The following MEFV variants were observed in gnomAD, a reference collection of about 807,000 sequenced individuals.
MEFV encodes MEFV innate immunity regulator, pyrin.
In MEFV, 60 loss-of-function variants were observed where a neutral mutation model predicts 62.5. The observed-to-expected ratio is 0.96, with a 90% confidence interval of 0.78 to 1.19. The LOEUF (loss-of-function observed/expected upper bound fraction) is 1.19. Ranked by LOEUF, MEFV falls within the 50% of genes most tolerant of loss-of-function variation. The pLI, the probability that MEFV is intolerant of heterozygous loss-of-function variation, is 0.00. For synonymous variants in MEFV, 500 were observed against 415.2 expected, an observed-to-expected ratio of 1.20 and a Z score of -2.48; for missense variants, 1,169 against 1,004.5, an observed-to-expected ratio of 1.16 and a Z score of -2.21.
intron 2 of MEFV, among the ~76,000 whole-genome samples, chr16:3,253,098 G>A (rs1959061173): frequency 6.6e-6 from 1 of 151,476 alleles, no homozygotes; most frequent in African/African-American, 2.4e-5. Flanking sequence ...TTACCTATAG[G>A]GACAGCTGCT....
chr16:3,249,675 G>A lies in MEFV; in HGVS notation c.1016C>T (p.Ser339Phe), dbSNP rs104895157. 2.1e-4 allele frequency: 343 copies of A among 1,613,006 alleles called. No homozygotes were observed. Among genetic ancestry groups the A allele is most frequent in the Middle Eastern group, 3.3e-4 (2 of 6,058 alleles). ...GCTGCCTGAGGCCTGGGGGTGCCCA[G>A]AAACTGCCTCGGGGAAGCTGCAGGA... ...RDSCSFPEAV[S>F]GHPQASGSRS... is the part of the protein sequence containing the mutation. Residue 339 changes from serine to phenylalanine, a missense_variant, in exon 3 of 10, where the codon TCT becomes TTT. Physicochemically the swap from Ser to Phe is radical, Grantham distance 155. Transcript: ENST00000219596.
At position 3,250,993 on chromosome 16, in the gene MEFV, C is replaced by T. The variant is rs532024685; in HGVS notation, c.911-1213G>A. 6.6e-5 allele frequency among the ~76,000 whole-genome samples: 9 copies of T among 135,492 alleles called. No homozygotes were observed. In the East Asian group the frequency reaches 1.1e-3, roughly 16 times the overall value. 88.9% of individuals were successfully genotyped at this position (135,492 alleles called of 152,430 possible). ...GAGCTGAAGTTGCGCCACTGCACTC[C>T]AGTCTGGGTGACCAAGAGAGACTCC... On this transcript the variant is annotated intron_variant, in intron 2 of 9. Coordinates refer to ENST00000219596, the MANE Select transcript of MEFV (RefSeq NM_000243.3).
intron 1 of MEFV, 37 bp from the exon 2 acceptor site, chr16:3,254,827 C>T (rs369250547): frequency 1.4e-5 from 23 of 1,605,998 alleles, no homozygotes; most frequent in Non-Finnish European, 1.8e-5. Flanking sequence ...ATGAAGCTGT[C>T]CCACGTTTAG....
intron 8 of MEFV, 90 bp from the exon 9 acceptor site, chr16:3,243,982 A>T: frequency 6.3e-7 from 1 of 1,582,374 alleles, no homozygotes; most frequent in Non-Finnish European, 8.6e-7. Flanking sequence ...AGGAAAGACA[A>T]GGAACCCCCT....
Position 3,252,709 on chromosome 16 carries a change from C to T in MEFV, c.910+1449G>A, listed in dbSNP as rs372527172. Among the ~76,000 whole-genome samples, 36 of 149,728 alleles carry T rather than the reference C, an allele frequency of 2.4e-4. No homozygotes were observed. The South Asian group carries it at 3.8e-3, about 16-fold the overall frequency. On this transcript the variant is annotated intron_variant, in intron 2 of 9. Transcript: ENST00000219596. ...ATCCTAGCACTTTTAGAGGCTAAGG[C>T]GGGGGATCGCTTGAGCCCAAGAGTT...
At chr16:3,252,828 T>C (rs1404774284) in intron 2 of MEFV, among the ~76,000 whole-genome samples, 3 of 148,642 alleles carry the variant, frequency 2.0e-5, no homozygotes, top group Non-Finnish European at 3.0e-5. Flanking sequence ...TGAGCACCTA[T>C]AGTCTCAGCT....
intron 6 of MEFV, among the ~76,000 whole-genome samples, chr16:3,246,178 T>C (rs1958940130): frequency 1.3e-5 from 2 of 151,956 alleles, no homozygotes. Flanking sequence ...CAAACAAGCT[T>C]CCCAAGGCCA....
chr16:3,248,824 C>G, intron 4 of MEFV, 85 bp downstream of exon 4: 3 of 1,607,114 alleles, frequency 1.9e-6, no homozygotes, highest in Non-Finnish European at 2.5e-6. Flanking sequence ...GCCCTGTGAA[C>G]CACAGCAGAA....
intron 7 of MEFV, 59 bp from the exon 8 acceptor site, chr16:3,244,345 G>A: frequency 6.2e-7 from 1 of 1,612,238 alleles, no homozygotes; most frequent in South Asian, 1.1e-5. Flanking sequence ...GCCAGGGACA[G>A]ATGGAGGAGA....
intron 2 of MEFV, among the ~76,000 whole-genome samples, chr16:3,251,090 C>T (rs1213831110): frequency 6.6e-6 from 1 of 151,790 alleles, no homozygotes; most frequent in Admixed American, 6.6e-5. Context: ...CTACCTCCTC[C>T]CACCTCACAG....
chr16:3,254,676 C>CCGTTCCCCT lies in MEFV; in HGVS notation c.383_391dup (p.Glu128_Asn130dup), dbSNP rs104895121. ...AGCTCCGCCCCCGTACGGCCGAGGG[C>CCGTTCCCCT]CGTTCCCCTCGTTCCCCTCGGGGTG... On this transcript the variant is annotated inframe_insertion, in exon 2 of 10. Coordinates refer to ENST00000219596, the MANE Select transcript of MEFV (RefSeq NM_000243.3). 26 of 1,612,050 alleles carry CCGTTCCCCT rather than the reference C, an allele frequency of 1.6e-5. No individual in the cohort carries two copies. Among genetic ancestry groups the CCGTTCCCCT allele is most frequent in the Middle Eastern group, 1.6e-4 (1 of 6,080 alleles).
Position 3,254,652 on chromosome 16 carries a change from G to T in MEFV, c.416C>A (p.Ala139Asp), listed in dbSNP as rs575678784. ...GGGCTGGCTGCACCGCAGGCTGGCA[G>T]CTCCGCCCCCGTACGGCCGAGGGCC... ...GNGPRPYGGG[A>D]ASLRCSQPEA... is the part of the protein sequence containing the mutation. Residue 139 changes from alanine (A) to aspartate (D), a missense_variant, in exon 2 of 10, where the codon GCT becomes GAT. Coordinates refer to ENST00000219596, the MANE Select transcript of MEFV (RefSeq NM_000243.3). The T allele has an allele frequency of 3.9e-5, 62 of 1,609,068 alleles. No homozygotes were observed. In the East Asian group the frequency reaches 1.3e-3, roughly 33 times the overall value.
chr16:3,252,947 C>G (rs1959058233), intron 2 of MEFV, among the ~76,000 whole-genome samples: 1 of 79,642 alleles, frequency 1.3e-5, no homozygotes, highest in Admixed American at 1.9e-4. Context: ...GAGACTCTGT[C>G]TCAAAAAAAA....
chr16:3,245,589 G>A (rs767612084), intron 6 of MEFV, among the ~76,000 whole-genome samples: 13 of 151,964 alleles, frequency 8.6e-5, no homozygotes, highest in Admixed American at 4.6e-4. Flanking sequence ...AGCCAAGATC[G>A]CGCCACTGCA....
rs781469530 is a variant in MEFV at position 3,254,346 on chromosome 16, C to A, written c.722G>T (p.Arg241Ile). 6.2e-7 allele frequency: 1 copy of A among 1,614,260 alleles called. No individual in the cohort carries two copies. Among genetic ancestry groups the A allele is most frequent in the Non-Finnish European group, 8.5e-7 (1 of 1,180,040 alleles). The change falls in exon 2 of 10, where the codon AGA becomes ATA. Residue 241 changes from arginine (R) to isoleucine (I), a missense_variant. Physicochemically the swap from Arg to Ile is moderately conservative, Grantham distance 97. Coordinates refer to ENST00000219596, the MANE Select transcript of MEFV (RefSeq NM_000243.3). ...VYLPSGKMRP[R>I]SLEVTISTGE... is the part of the protein sequence containing the mutation. ...TGTAGAAATGGTGACCTCAAGGCTT[C>A]TAGGTCGCATCTTTCCCGAGGGCAG...
At chr16:3,248,857 T>C in intron 4 of MEFV, 52 bp downstream of exon 4, 2 of 1,612,206 alleles carry the variant, frequency 1.2e-6, no homozygotes, top group African/African-American at 1.3e-5. Flanking sequence ...CTGCTCACTC[T>C]TCCCACCTTC....
intron 6 of MEFV, chr16:3,246,316 G>T: frequency 1.6e-6 from 1 of 610,768 alleles, no homozygotes; most frequent in Non-Finnish European, 2.9e-6. Flanking sequence ...CCAGTCTGCA[G>T]CTCCATACCC....
intron 2 of MEFV, among the ~76,000 whole-genome samples, chr16:3,250,902 T>G (rs955266277): frequency 2.0e-5 from 3 of 150,512 alleles, no homozygotes; most frequent in Non-Finnish European, 2.9e-5. Flanking sequence ...TGGGCACCTG[T>G]AATCCCAGCT....
At chr16:3,246,441 T>A in intron 6 of MEFV, 84 bp downstream of exon 6, 1 of 1,515,294 alleles carries the variant, frequency 6.6e-7, no homozygotes, top group Non-Finnish European at 9.2e-7. Context: ...TGGGAACATC[T>A]CCCTCCCAGG....
Sources: allele counts gnomAD v4.1 joint callset (sites outside exome capture counted in the v4.1 genomes callset), GRCh38; gene constraint gnomAD v4.1.1; transcripts MANE v1.5; gene names NCBI Gene and HGNC (gene_info 2026-07-23, HGNC 2026-07-21).